Variants in CDH23 observed in about 807,000 individuals in gnomAD.
The protein encoded by CDH23 is cadherin-23.
A neutral mutation model predicts 317.1 loss-of-function variants in CDH23; 189 were observed. The observed-to-expected ratio is 0.60, with a 90% confidence interval of 0.53 to 0.67. The LOEUF (loss-of-function observed/expected upper bound fraction) is 0.67. Among genes scored for constraint, CDH23 ranks in the 30% least tolerant of loss-of-function variants. The pLI is 0.00. For synonymous variants in CDH23, 1,839 were observed against 1,876.8 expected (o/e 0.98, Z 0.52); for missense variants, 4,401 against 4,592.4 (o/e 0.96, Z 1.20).
At chr10:71,712,635 C>G (rs559511241) in intron 27 of CDH23, 30 bp from the exon 28 acceptor site, 2 of 1,610,948 alleles carry the variant, frequency 1.2e-6, no homozygotes, top group African/African-American at 2.7e-5. Flanking sequence ...CAGGCAGCTG[C>G]TAACACCTGT....
rs544932652 is a variant in CDH23, at chr10:71,622,863, G to A, written c.1134+5470G>A. 513 of 902,854 alleles carry A rather than the reference G, an allele frequency of 5.7e-4. 1 individual carries two copies. The highest frequency in any genetic ancestry group is 2.5e-3 in the Admixed American group (41 of 16,174). 55.9% of individuals were successfully genotyped at this position (902,854 alleles called of 1,614,324 possible). On this transcript the variant is annotated intron_variant, in intron 11 of 69. Transcript: ENST00000224721. ...ACACCACTCTCTTCCCCACCCCAGA[G>A]AGGCCTCAGCTGCCAGATTCTGGCT...
At chr10:71,716,176 C>A in intron 28 of CDH23, 2 of 1,551,024 alleles carry the variant, frequency 1.3e-6, no homozygotes, top group Non-Finnish European at 1.7e-6. Flanking sequence ...GCGTCATGAA[C>A]AGCAGACAGG....
chr10:71,670,960 TC>T (rs1564722521), intron 14 of CDH23, among the ~76,000 whole-genome samples: 1 of 145,080 alleles, frequency 6.9e-6, no homozygotes, highest in Non-Finnish European at 1.5e-5. Flanking sequence ...TGATTTGGCA[TC>T]TTTTTTTTTT....
intron 20 of CDH23, 63 bp downstream of exon 20, chr10:71,690,647 G>T (rs534895510): frequency 1.7e-6 from 2 of 1,206,686 alleles, no homozygotes; most frequent in Non-Finnish European, 2.4e-6. Flanking sequence ...TCCATACCCG[G>T]CCCCAGGACC....
At chr10:71,440,767 C>T (rs923787765) in intron 2 of CDH23, among the ~76,000 whole-genome samples, 1 of 152,194 alleles carries the variant, frequency 6.6e-6, no homozygotes, top group Non-Finnish European at 1.5e-5. Context: ...GCCAGGAGAG[C>T]AGGCATGCCT....
intron 6 of CDH23, among the ~76,000 whole-genome samples, chr10:71,514,211 A>G (rs1200613516): frequency 6.6e-6 from 1 of 152,198 alleles, no homozygotes. Flanking sequence ...ATGCCCCAGC[A>G]GAATTTCCCA....
rs373214645 is a variant in CDH23 at position 71,806,214 on chromosome 10, C to G, written c.8111C>G (p.Thr2704Ser). 9 of 1,579,796 alleles carry G rather than the reference C, an allele frequency of 5.7e-6. No individual in the cohort carries two copies. Among genetic ancestry groups the G allele is most frequent in the African/African-American group, 1.3e-5 (1 of 74,226 alleles). Residue 2704 changes from threonine (T) to serine (S), a missense_variant, in exon 57 of 70, where the codon ACT becomes AGT. Around this residue, in one of 3 missense-constraint regions of CDH23, gnomAD observed 1,144 missense variants for 1,138.2 expected, o/e 1.01. Transcript: ENST00000224721. ...SDLGQPVPYE[T>S]MQPLQVALED... ...CTGGGCCAGCCAGTGCCATACGAGA[C>G]TATGCAGCCGCTGCAGGTGGCCCTG...
intron 53 of CDH23, 123 bp downstream of exon 53, chr10:71,800,878 C>A: frequency 2.2e-6 from 3 of 1,358,454 alleles, no homozygotes; most frequent in South Asian, 1.4e-5. Context: ...CTTTGAGACA[C>A]AGTGACAGAA....
chr10:71,796,896 C>T, intron 48 of CDH23: 1 of 486,868 alleles, frequency 2.1e-6, no homozygotes, highest in East Asian at 3.4e-5. Context: ...CCCAACATCA[C>T]CTGCTTAGTA....
At chr10:71,660,746 G>A (rs1335639766) in intron 14 of CDH23, among the ~76,000 whole-genome samples, 1 of 152,172 alleles carries the variant, frequency 6.6e-6, no homozygotes, top group East Asian at 1.9e-4. Context: ...GGGAAGGCAT[G>A]GCTGTTTAGT....
chr10:71,619,542 A>G (rs1861364921), intron 11 of CDH23, among the ~76,000 whole-genome samples: 2 of 152,166 alleles, frequency 1.3e-5, no homozygotes, highest in South Asian at 2.1e-4. Context: ...AATGCCCAAG[A>G]GAAGAGAAAT....
At chr10:71,587,311 A>T (rs1049424332) in intron 9 of CDH23, among the ~76,000 whole-genome samples, 1 of 152,180 alleles carries the variant, frequency 6.6e-6, no homozygotes, top group African/African-American at 2.4e-5. Context: ...GAATATTAAG[A>T]TTCATTCAAT....
At chr10:71,630,592 G>T (rs1475043506) in intron 11 of CDH23, among the ~76,000 whole-genome samples, 1 of 152,236 alleles carries the variant, frequency 6.6e-6, no homozygotes, top group Non-Finnish European at 1.5e-5. Context: ...ATACGGTAAA[G>T]CAGTCGATTC....
intron 3 of CDH23, among the ~76,000 whole-genome samples, chr10:71,455,620 G>C (rs1219301613): frequency 6.6e-6 from 1 of 152,310 alleles, no homozygotes; most frequent in East Asian, 1.9e-4. Context: ...ACATTCTAGA[G>C]CGGGGAGCAG....
At chr10:71,485,111 C>T (rs1852279674) in intron 3 of CDH23, among the ~76,000 whole-genome samples, 1 of 151,268 alleles carries the variant, frequency 6.6e-6, no homozygotes, top group African/African-American at 2.4e-5. Context: ...ACGGCAACCT[C>T]CGCCTCCCAG....
At chr10:71,488,089 C>A (rs766128945) in intron 3 of CDH23, among the ~76,000 whole-genome samples, 6 of 152,246 alleles carry the variant, frequency 3.9e-5, no homozygotes, top group Non-Finnish European at 7.3e-5. Flanking sequence ...ACTCTGTGCC[C>A]TTCAAGGGGC....
In CDH23 at chr10:71,632,719, C is replaced by T. The variant is rs537172851; in HGVS notation, c.1135-11142C>T. ...TTCCATCTTTACCTCAGTATAGCTC[C>T]TCACCTGAACACCCTCCACCACCTT... is the stretch of plus-strand genomic sequence containing the variant. On this transcript the variant is annotated intron_variant, in intron 11 of 69. Coordinates refer to ENST00000224721, the MANE Select transcript of CDH23 (RefSeq NM_022124.6). Among the ~76,000 whole-genome samples, 4 of 152,254 alleles carry T rather than the reference C, an allele frequency of 2.6e-5. No homozygotes were observed. In the South Asian group the frequency reaches 6.2e-4, roughly 24 times the overall value.
intron 38 of CDH23, among the ~76,000 whole-genome samples, chr10:71,754,852 G>A (rs550873863): frequency 2.8e-4 from 42 of 152,256 alleles, no homozygotes; most frequent in African/African-American, 8.7e-4. Flanking sequence ...ACTAAGTTAC[G>A]TAACATTCAG....
intron 38 of CDH23, among the ~76,000 whole-genome samples, chr10:71,758,310 C>T (rs528840323): frequency 6.6e-6 from 1 of 152,294 alleles, no homozygotes; most frequent in South Asian, 2.1e-4. Flanking sequence ...CGTGCATGTC[C>T]TCCTGGATGC....
Sources: gnomAD v4.1 joint callset for allele counts (sites outside exome capture counted in the v4.1 genomes callset) on GRCh38, gnomAD v4.1.1 for gene constraint, gnomAD v4.1.1 regional missense constraint, MANE v1.5 for transcripts, NCBI Gene and HGNC (gene_info 2026-07-23, HGNC 2026-07-21) for gene names.